The following NFATC1 variants were observed in gnomAD, a reference collection of about 807,000 sequenced individuals.
NFATC1 encodes nuclear factor of activated T cells 1.
A neutral mutation model predicts 76.0 loss-of-function variants in NFATC1; 22 were observed. The ratio of observed to expected loss-of-function variants is 0.29; its 90% CI spans 0.21 to 0.41. The LOEUF (loss-of-function observed/expected upper bound fraction) is 0.41, where lower values mean the gene tolerates loss of function less well. NFATC1 is among the 10% of genes least tolerant of loss of function. NFATC1 has a pLI of 1.00. For synonymous variants in NFATC1, 704 were observed against 613.1 expected (o/e 1.15, Z -2.19); for missense variants, 1,357 against 1,337.7 (o/e 1.01, Z -0.23).
chr18:79,485,010 C>T (rs983009547), intron 8 of NFATC1, among the ~76,000 whole-genome samples: 10 of 152,222 alleles, frequency 6.6e-5, no homozygotes, highest in East Asian at 1.9e-4. Flanking sequence ...GGCTCAAGCC[C>T]GGGGCTAAAT....
intron 8 of NFATC1, among the ~76,000 whole-genome samples, chr18:79,480,453 C>G (rs1023991129): frequency 6.6e-6 from 1 of 152,110 alleles, no homozygotes. Flanking sequence ...GGGCAAGCAG[C>G]CCGTGCGTCC....
chr18:79,527,422 C>A (rs2090797735), intron 9 of NFATC1, 106 bp from the exon 10 acceptor site: 2 of 885,384 alleles, frequency 2.3e-6, no homozygotes, highest in Admixed American at 2.1e-5. Flanking sequence ...TGGGGAGATG[C>A]CTTGTCACAG....
At chr18:79,503,554 C>T (rs550398268) in intron 9 of NFATC1, among the ~76,000 whole-genome samples, 2 of 152,280 alleles carry the variant, frequency 1.3e-5, no homozygotes, top group East Asian at 1.9e-4. Flanking sequence ...CGGGCTTTGT[C>T]GCTCCATGGG....
chr18:79,427,470 G>A (rs1419235623), intron 2 of NFATC1, among the ~76,000 whole-genome samples: 1 of 85,692 alleles, frequency 1.2e-5, no homozygotes, highest in African/African-American at 4.4e-5. Context: ...GGTGGGTGGG[G>A]GCTGTACCAC....
chr18:79,523,088 C>T (rs1002129417), intron 9 of NFATC1, among the ~76,000 whole-genome samples: 1 of 152,212 alleles, frequency 6.6e-6, no homozygotes, highest in Admixed American at 6.5e-5. Context: ...ACTACAGTAC[C>T]TGCCTTTGCC....
At chr18:79,464,911 C>T (rs1316933406) in intron 7 of NFATC1, among the ~76,000 whole-genome samples, 3 of 151,142 alleles carry the variant, frequency 2.0e-5, no homozygotes, top group Admixed American at 1.3e-4. Context: ...CGCGGTGTTG[C>T]CCAGGCTGGT....
At chr18:79,525,887 G>A (rs568987635) in intron 9 of NFATC1, among the ~76,000 whole-genome samples, 147 of 152,348 alleles carry the variant, frequency 9.6e-4, no homozygotes, top group African/African-American at 3.0e-3. Flanking sequence ...CTGAACCAGC[G>A]CAGTGGGAAA....
chr18:79,415,472 T>C (rs574892922), intron 2 of NFATC1, among the ~76,000 whole-genome samples: 4 of 151,014 alleles, frequency 2.6e-5, no homozygotes, highest in South Asian at 2.1e-4. Context: ...TTAGTAGAGA[T>C]GGGGTTTCAC....
At chr18:79,412,617 A>G (rs2085735466) in intron 2 of NFATC1, among the ~76,000 whole-genome samples, 1 of 152,164 alleles carries the variant, frequency 6.6e-6, no homozygotes, top group Admixed American at 6.5e-5. Flanking sequence ...GCCATGCTTC[A>G]GCCATGGCTG....
intron 2 of NFATC1, among the ~76,000 whole-genome samples, chr18:79,415,056 G>A (rs1266812031): frequency 6.6e-6 from 1 of 152,174 alleles, no homozygotes; most frequent in Non-Finnish European, 1.5e-5. Context: ...CAGGCCATGT[G>A]CGTCCATGTC....
chr18:79,448,591 G>C (rs986389090), intron 3 of NFATC1, 191 bp from the exon 4 acceptor site: 4 of 619,054 alleles, frequency 6.5e-6, no homozygotes, highest in Non-Finnish European at 8.5e-6. Flanking sequence ...CAGTGCCCAG[G>C]TCCATTGGGA....
intron 8 of NFATC1, chr18:79,470,617 G>A (rs898188629): frequency 6.6e-6 from 1 of 152,072 alleles, no homozygotes; most frequent in Non-Finnish European, 1.5e-5. Context: ...CGGTGCTTGT[G>A]GGGGGCGGGC....
At chr18:79,498,715 C>G (rs768235797) in intron 9 of NFATC1, among the ~76,000 whole-genome samples, 2 of 152,218 alleles carry the variant, frequency 1.3e-5, no homozygotes, top group Non-Finnish European at 1.5e-5. Context: ...AGCTCACACA[C>G]AGACATAAAC....
chr18:79,452,764 C>T (rs955192848), intron 6 of NFATC1, among the ~76,000 whole-genome samples: 1 of 152,198 alleles, frequency 6.6e-6, no homozygotes, highest in Non-Finnish European at 1.5e-5. Flanking sequence ...TTTGGGGGTT[C>T]CTGGTGCCTT....
At chr18:79,503,947 A>G (rs566750793) in intron 9 of NFATC1, among the ~76,000 whole-genome samples, 8 of 152,308 alleles carry the variant, frequency 5.3e-5, no homozygotes, top group Non-Finnish European at 1.2e-4. Context: ...GCTGGCTTCA[A>G]ACTTTTTTTT....
At chr18:79,469,323 C>T (rs1333691709) in intron 8 of NFATC1, 1 of 985,314 alleles carries the variant, frequency 1.0e-6, no homozygotes, top group Non-Finnish European at 1.2e-6. Flanking sequence ...ATTTGCTCAG[C>T]ATGCGGCAGT....
chr18:79,426,032 A>G (rs1000439964), intron 2 of NFATC1, among the ~76,000 whole-genome samples: 6 of 151,998 alleles, frequency 3.9e-5, no homozygotes, highest in African/African-American at 1.2e-4. Context: ...GGCAACATGG[A>G]GAGACCCCAT....
intron 6 of NFATC1, among the ~76,000 whole-genome samples, chr18:79,460,288 G>A (rs2087994024): frequency 6.6e-6 from 1 of 152,238 alleles, no homozygotes; most frequent in Admixed American, 6.5e-5. Flanking sequence ...TGGAGACAGA[G>A]CATAAGGATA....
intron 9 of NFATC1, among the ~76,000 whole-genome samples, chr18:79,509,292 C>G (rs962761483): frequency 6.6e-6 from 1 of 152,244 alleles, no homozygotes; most frequent in Non-Finnish European, 1.5e-5. Context: ...GTCCACCGCG[C>G]CTGCCGGACG....
Sources: gnomAD v4.1 joint callset for allele counts (sites outside exome capture counted in the v4.1 genomes callset) on GRCh38, gnomAD v4.1.1 for gene constraint, MANE v1.5 for transcripts, NCBI Gene and HGNC (gene_info 2026-07-23, HGNC 2026-07-21) for gene names.